KCNMA1: variants seen among roughly 807,000 people sequenced by gnomAD.
KCNMA1 encodes the protein Calcium-activated potassium channel subunit alpha-1.
KCNMA1 carries 29 observed loss-of-function variants against 140.0 expected under a neutral mutation model. The observed-to-expected ratio is 0.21, with a 90% confidence interval of 0.15 to 0.28. The LOEUF (loss-of-function observed/expected upper bound fraction) is 0.28, where lower values mean the gene tolerates loss of function less well. KCNMA1 is among the 10% of genes least tolerant of loss of function. The probability of loss-of-function intolerance (pLI) is 1.00; values close to 1 mark genes in which losing one functional copy is unlikely to be tolerated. For missense variants in KCNMA1, 880 were observed against 1,602.2 expected, an observed-to-expected ratio of 0.55 and a Z score of 7.70; for synonymous variants, 612 against 611.9, an observed-to-expected ratio of 1.00 and a Z score of 0.00.
intron 2 of KCNMA1, among the ~76,000 whole-genome samples, chr10:77,340,945 T>C (rs539441923): frequency 5.9e-5 from 9 of 151,536 alleles, no homozygotes; most frequent in Non-Finnish European, 1.0e-4. Flanking sequence ...TATAAACACA[T>C]CTGTACTACA....
chr10:77,411,245 T>C (rs894468549), intron 1 of KCNMA1, among the ~76,000 whole-genome samples: 10 of 152,058 alleles, frequency 6.6e-5, no homozygotes, highest in African/African-American at 2.4e-4. Flanking sequence ...ATTGAATCCC[T>C]GTGAGCTCAG....
intron 23 of KCNMA1, among the ~76,000 whole-genome samples, chr10:76,934,739 T>A (rs61867153): frequency 6.6e-6 from 1 of 152,126 alleles, no homozygotes; most frequent in African/African-American, 2.4e-5. Flanking sequence ...AGAGGGTCCA[T>A]GGGATTACAA....
intron 2 of KCNMA1, among the ~76,000 whole-genome samples, chr10:77,268,835 C>T (rs78264322): frequency 0.012 from 1,774 of 152,268 alleles, 29 homozygotes; most frequent in African/African-American, 0.041. Context: ...GAGGGTGTCT[C>T]TGCACTGCTA....
intron 1 of KCNMA1, among the ~76,000 whole-genome samples, chr10:77,623,263 G>A (rs927617986): frequency 1.3e-5 from 2 of 152,156 alleles, no homozygotes; most frequent in Non-Finnish European, 2.9e-5. Context: ...TACAGCACTT[G>A]CATTGCCTGT....
chr10:77,381,280 T>C (rs1351007055), intron 2 of KCNMA1, among the ~76,000 whole-genome samples: 1 of 152,056 alleles, frequency 6.6e-6, no homozygotes, highest in East Asian at 1.9e-4. Flanking sequence ...AAATAAAGTA[T>C]ATATAGTATA....
chr10:77,588,992 G>C (rs377055633), intron 1 of KCNMA1, among the ~76,000 whole-genome samples: 1 of 152,236 alleles, frequency 6.6e-6, no homozygotes, highest in African/African-American at 2.4e-5. Context: ...GTGCAGGCCA[G>C]TTAGTCTCTG....
chr10:77,348,528 G>A (rs1233343224), intron 2 of KCNMA1, among the ~76,000 whole-genome samples: 1 of 152,192 alleles, frequency 6.6e-6, no homozygotes, highest in Non-Finnish European at 1.5e-5. Flanking sequence ...ACAGTCCTGG[G>A]AAGCTGAGAC....
chr10:77,069,519 A>C (rs897989979), intron 14 of KCNMA1, among the ~76,000 whole-genome samples: 8 of 152,228 alleles, frequency 5.3e-5, no homozygotes, highest in African/African-American at 1.7e-4. Context: ...GGAGTAAATT[A>C]AGGACAAATA....
At chr10:77,258,017 G>A (rs1222444444) in intron 2 of KCNMA1, among the ~76,000 whole-genome samples, 1 of 152,188 alleles carries the variant, frequency 6.6e-6, no homozygotes, top group Non-Finnish European at 1.5e-5. Context: ...ACAGGACACA[G>A]AAGACCTGGG....
intron 2 of KCNMA1, among the ~76,000 whole-genome samples, chr10:77,359,651 C>T (rs1382796430): frequency 2.6e-5 from 4 of 152,152 alleles, no homozygotes; most frequent in Non-Finnish European, 4.4e-5. Context: ...CCAGATGAAC[C>T]ACTCATTCAG....
chr10:77,006,358 C>T (rs1428362352), intron 18 of KCNMA1, among the ~76,000 whole-genome samples: 1 of 152,088 alleles, frequency 6.6e-6, no homozygotes, highest in Non-Finnish European at 1.5e-5. Context: ...TAAAATCAGT[C>T]AAATGAAGGA....
chr10:77,533,036 TA>T (rs1317767102), intron 1 of KCNMA1, among the ~76,000 whole-genome samples: 1 of 152,242 alleles, frequency 6.6e-6, no homozygotes, highest in African/African-American at 2.4e-5. Flanking sequence ...CCTGCAATAG[TA>T]GAAGCTCTAC....
At chr10:77,428,135 A>C (rs1207577761) in intron 1 of KCNMA1, among the ~76,000 whole-genome samples, 1 of 152,104 alleles carries the variant, frequency 6.6e-6, no homozygotes, top group African/African-American at 2.4e-5. Context: ...AATTACACTC[A>C]TTCAATCACA....
chr10:77,552,931 C>T (rs2154557306), intron 1 of KCNMA1, among the ~76,000 whole-genome samples: 1 of 152,282 alleles, frequency 6.6e-6, no homozygotes, highest in East Asian at 1.9e-4. Flanking sequence ...CACCTGTAGT[C>T]CCAGCTACTG....
chr10:77,106,960 G>T (rs2097209901), intron 9 of KCNMA1, among the ~76,000 whole-genome samples: 2 of 152,170 alleles, frequency 1.3e-5, no homozygotes, highest in South Asian at 4.1e-4. Context: ...GCCTCCTCTG[G>T]CCCACTGTCC....
intron 20 of KCNMA1, among the ~76,000 whole-genome samples, chr10:76,967,686 G>A (rs892019598): frequency 6.6e-6 from 1 of 152,144 alleles, no homozygotes; most frequent in Non-Finnish European, 1.5e-5. Context: ...GCTGGGCTGC[G>A]AAGGGAGACC....
At chr10:77,246,955 C>T (rs563731760) in intron 3 of KCNMA1, among the ~76,000 whole-genome samples, 1 of 152,238 alleles carries the variant, frequency 6.6e-6, no homozygotes, top group South Asian at 2.1e-4. Context: ...CAGCAAGTGC[C>T]CCCATTGTGT....
In KCNMA1 at chr10:76,891,711, G is replaced by A. The variant is rs2151875571; in HGVS notation, c.3156C>T (p.Phe1052=). Residue 1052 remains phenylalanine (F), a synonymous_variant, in exon 26 of 28, where the codon TTC becomes TTT. Coordinates refer to ENST00000286628, the MANE Select transcript of KCNMA1 (RefSeq NM_001161352.2). The part of the protein sequence containing the change: ...VLDSLMSATY[F]NDNILTLIRT... ...GTATCAGGGTGAGGATATTGTCATT[G>A]AAGTACGTCTGGGGAAGGAGAGAAA... 6.2e-7 allele frequency: 1 copy of A among 1,613,784 alleles called. No individual in the cohort carries two copies. Among genetic ancestry groups the A allele is most frequent in the Non-Finnish European group, 8.5e-7 (1 of 1,179,890 alleles).
At chr10:77,025,274 A>G (rs2093333219) in intron 16 of KCNMA1, among the ~76,000 whole-genome samples, 1 of 133,814 alleles carries the variant, frequency 7.5e-6, no homozygotes, top group African/African-American at 2.7e-5. Flanking sequence ...ATATATATAT[A>G]TATATATACA....
Sources: allele counts gnomAD v4.1 joint callset (sites outside exome capture counted in the v4.1 genomes callset), GRCh38; gene constraint gnomAD v4.1.1; transcripts MANE v1.5; gene names NCBI Gene and HGNC (gene_info 2026-07-23, HGNC 2026-07-21).